The following SPATS2L variants were observed in gnomAD, a reference collection of about 807,000 sequenced individuals.
SPATS2L encodes the protein spermatogenesis associated serine rich 2 like.
Under a neutral mutation model 59.6 loss-of-function variants are expected in SPATS2L, and 30 were observed. The observed-to-expected ratio is 0.50, with a 90% CI of 0.38 to 0.68. The LOEUF (loss-of-function observed/expected upper bound fraction) is 0.68, where lower values mean the gene tolerates loss of function less well. Ranked by LOEUF, SPATS2L falls within the 30% of genes least tolerant of loss-of-function variation. The probability of loss-of-function intolerance (pLI) is 0.00; values close to 1 mark genes in which losing one functional copy is unlikely to be tolerated. For synonymous variants in SPATS2L, 252 were observed against 263.5 expected, an observed-to-expected ratio of 0.96 and a Z score of 0.42; for missense variants, 615 against 700.0, an observed-to-expected ratio of 0.88 and a Z score of 1.37.
intron 8 of SPATS2L, among the ~76,000 whole-genome samples, chr2:200,454,330 T>C (rs1019490290): frequency 2.2e-4 from 34 of 152,212 alleles, no homozygotes; most frequent in Admixed American, 2.0e-3. Context: ...TATGGTGGCA[T>C]CTTTGTATTT....
intron 6 of SPATS2L, among the ~76,000 whole-genome samples, chr2:200,434,193 TATG>T (rs1396769134): frequency 9.2e-5 from 14 of 151,922 alleles, no homozygotes; most frequent in Non-Finnish European, 4.4e-5. Context: ...AGAACAATAA[TATG>T]ATCATCTCAG....
At chr2:200,453,367 G>A (rs2085601427) in intron 8 of SPATS2L, among the ~76,000 whole-genome samples, 1 of 152,232 alleles carries the variant, frequency 6.6e-6, no homozygotes, top group Admixed American at 6.5e-5. Flanking sequence ...GTCAAGCCAG[G>A]GAAGCATCTT....
chr2:200,357,234 A>G (rs1164623388), intron 2 of SPATS2L, among the ~76,000 whole-genome samples: 2 of 152,124 alleles, frequency 1.3e-5, no homozygotes, highest in African/African-American at 4.8e-5. Flanking sequence ...TTTCCCTTCT[A>G]AACTGCTTCT....
At chr2:200,392,254 G>C (rs1190694640) in intron 3 of SPATS2L, among the ~76,000 whole-genome samples, 1 of 152,104 alleles carries the variant, frequency 6.6e-6, no homozygotes, top group Non-Finnish European at 1.5e-5. Context: ...GAGGAGAGAG[G>C]AGCTGACGTT....
chr2:200,311,602 C>T (rs2079193711), intron 1 of SPATS2L, among the ~76,000 whole-genome samples: 1 of 152,136 alleles, frequency 6.6e-6, no homozygotes, highest in Non-Finnish European at 1.5e-5. Context: ...AAAAGCATCC[C>T]TGTAAATTAG....
chr2:200,306,492 A>C, upstream of SPATS2L: 17 of 1,002,280 alleles, frequency 1.7e-5, no homozygotes, highest in Non-Finnish European at 2.0e-5. Flanking sequence ...TGGAGGGACG[A>C]GATCTGTGTC....
chr2:200,326,622 C>A (rs2079753278), intron 1 of SPATS2L, among the ~76,000 whole-genome samples: 3 of 152,158 alleles, frequency 2.0e-5, no homozygotes, highest in Admixed American at 2.0e-4. Flanking sequence ...AGTTTAGGAA[C>A]CAACTTTTCT....
At chr2:200,314,739 G>A (rs1324475785) in intron 1 of SPATS2L, among the ~76,000 whole-genome samples, 1 of 152,194 alleles carries the variant, frequency 6.6e-6, no homozygotes, top group Non-Finnish European at 1.5e-5. Context: ...GTTCAGTACT[G>A]TAGCCACTAG....
At chr2:200,430,582 G>A (rs978538980) in intron 6 of SPATS2L, among the ~76,000 whole-genome samples, 5 of 152,020 alleles carry the variant, frequency 3.3e-5, no homozygotes, top group Admixed American at 1.3e-4. Context: ...TTTACTTAAC[G>A]TGAGATTATG....
intron 3 of SPATS2L, among the ~76,000 whole-genome samples, chr2:200,391,380 T>G (rs371882248): frequency 6.6e-6 from 1 of 152,346 alleles, no homozygotes; most frequent in African/African-American, 2.4e-5. Flanking sequence ...AGCATGTTTG[T>G]TTTTTATTAA....
At chr2:200,442,202 A>G (rs1243548507) in intron 8 of SPATS2L, among the ~76,000 whole-genome samples, 4 of 152,212 alleles carry the variant, frequency 2.6e-5, no homozygotes, top group African/African-American at 9.6e-5. Flanking sequence ...TTGAGTACCT[A>G]GAGAAATTAA....
At chr2:200,387,727 T>A (rs1249324603) in intron 2 of SPATS2L, among the ~76,000 whole-genome samples, 4 of 152,228 alleles carry the variant, frequency 2.6e-5, no homozygotes, top group Non-Finnish European at 5.9e-5. Context: ...AGAAAGTGTT[T>A]CAGTGGTTCT....
intron 9 of SPATS2L, chr2:200,461,347 CTTGTT>C (rs1373863369): frequency 1.3e-5 from 2 of 152,060 alleles, no homozygotes; most frequent in Non-Finnish European, 2.9e-5. Context: ...CTGGGTTTGA[CTTGTT>C]TTATTTTCTT....
intron 1 of SPATS2L, among the ~76,000 whole-genome samples, chr2:200,316,633 T>G (rs2079388547): frequency 6.6e-6 from 1 of 152,166 alleles, no homozygotes; most frequent in East Asian, 1.9e-4. Flanking sequence ...AGTTTTCACT[T>G]TTGTACTGGG....
intron 2 of SPATS2L, among the ~76,000 whole-genome samples, chr2:200,350,190 G>C (rs974783689): frequency 1.3e-5 from 2 of 152,146 alleles, no homozygotes; most frequent in Admixed American, 6.5e-5. Context: ...CCTTCCAGGG[G>C]TTCTTTGGTG....
chr2:200,349,117 C>T (rs1256675253), intron 2 of SPATS2L, among the ~76,000 whole-genome samples: 1 of 152,138 alleles, frequency 6.6e-6, no homozygotes, highest in East Asian at 1.9e-4. Flanking sequence ...GAATGGCAGC[C>T]ACTTGCTGAG....
At chr2:200,358,880 C>A (rs118102591) in intron 2 of SPATS2L, among the ~76,000 whole-genome samples, 5 of 151,846 alleles carry the variant, frequency 3.3e-5, no homozygotes, top group African/African-American at 1.2e-4. Flanking sequence ...CCTAGCTACT[C>A]GAGAGGCTGA....
intron 3 of SPATS2L, 24 bp from the exon 4 acceptor site, chr2:200,412,287 T>TC: frequency 7.7e-7 from 1 of 1,296,888 alleles, no homozygotes; most frequent in South Asian, 1.4e-5. Flanking sequence ...CATTTCTATT[T>TC]CTTTTTTTTT....
chr2:200,418,160 A>C (rs2083143279), intron 5 of SPATS2L, among the ~76,000 whole-genome samples: 1 of 152,188 alleles, frequency 6.6e-6, no homozygotes, highest in Admixed American at 6.5e-5. Context: ...AGGAAATAAA[A>C]TGAAGCCTTG....
Sources: allele counts gnomAD v4.1 joint callset (sites outside exome capture counted in the v4.1 genomes callset), GRCh38; gene constraint gnomAD v4.1.1; transcripts MANE v1.5; gene names NCBI Gene and HGNC (gene_info 2026-07-23, HGNC 2026-07-21).